CMIP: variants seen among roughly 807,000 people sequenced by gnomAD.
CMIP encodes c-Maf inducing protein.
Under a neutral mutation model 97.3 loss-of-function variants are expected in CMIP, and 13 were observed. That is an observed-to-expected ratio of 0.13 (90% CI 0.09 to 0.21). The LOEUF is 0.21. Ranked by LOEUF, CMIP falls within the 10% of genes least tolerant of loss-of-function variation. The pLI is 1.00. For missense variants in CMIP, 847 were observed against 1,024.9 expected (o/e 0.83, Z 2.37); for synonymous variants, 538 against 436.3 (o/e 1.23, Z -2.91).
At chr16:81,460,843 A>G (rs1351928102) in intron 1 of CMIP, among the ~76,000 whole-genome samples, 1 of 152,192 alleles carries the variant, frequency 6.6e-6, no homozygotes, top group Admixed American at 6.5e-5. Flanking sequence ...GGTGGTGATG[A>G]TGACGGTGAT....
At chr16:81,654,627 C>T (rs2151010727) in intron 4 of CMIP, among the ~76,000 whole-genome samples, 1 of 152,338 alleles carries the variant, frequency 6.6e-6, no homozygotes, top group South Asian at 2.1e-4. Flanking sequence ...CATGCATGCT[C>T]TGCAGTGGTC....
chr16:81,531,636 G>A (rs28495808), intron 1 of CMIP, among the ~76,000 whole-genome samples: 44,196 of 152,096 alleles, frequency 0.29, 6,595 homozygotes, highest in East Asian at 0.44. Flanking sequence ...CACCTCGAGG[G>A]GCAAGCCTGG....
At chr16:81,510,393 C>G (rs761231235) in intron 1 of CMIP, among the ~76,000 whole-genome samples, 2 of 152,292 alleles carry the variant, frequency 1.3e-5, no homozygotes, top group East Asian at 1.9e-4. Context: ...GTTATTACCA[C>G]CTAACATTAT....
At chr16:81,553,734 C>G (rs554482252) in intron 1 of CMIP, among the ~76,000 whole-genome samples, 26 of 152,258 alleles carry the variant, frequency 1.7e-4, no homozygotes, top group Non-Finnish European at 3.4e-4. Flanking sequence ...GCCCTCGCCC[C>G]TTGCCAAAAG....
At chr16:81,595,374 T>G (rs2091537835) in intron 1 of CMIP, among the ~76,000 whole-genome samples, 2 of 151,926 alleles carry the variant, frequency 1.3e-5, no homozygotes, top group Non-Finnish European at 2.9e-5. Flanking sequence ...TGTAATACTT[T>G]CTTTCCTTCT....
chr16:81,516,283 C>T (rs796511693), intron 1 of CMIP, among the ~76,000 whole-genome samples: 6 of 152,160 alleles, frequency 3.9e-5, no homozygotes, highest in South Asian at 4.1e-4. Flanking sequence ...TTGATTCCTC[C>T]GGGGATTTTC....
At chr16:81,583,355 G>A (rs572195200) in intron 1 of CMIP, among the ~76,000 whole-genome samples, 1 of 152,370 alleles carries the variant, frequency 6.6e-6, no homozygotes, top group Admixed American at 6.5e-5. Flanking sequence ...TGGTAGAAAA[G>A]GAGGCTCTGT....
At chr16:81,683,756 CTT>C (rs71272426) in intron 10 of CMIP, among the ~76,000 whole-genome samples, 16 of 81,600 alleles carry the variant, frequency 2.0e-4, no homozygotes, top group East Asian at 1.0e-3. Context: ...TTTTCTTTTT[CTT>C]TTTTTTTTTT....
chr16:81,460,477 C>T (rs2150737569), intron 1 of CMIP, among the ~76,000 whole-genome samples: 1 of 152,246 alleles, frequency 6.6e-6, no homozygotes. Context: ...CCTGGTTTGC[C>T]CAGGACTGTC....
intron 1 of CMIP, among the ~76,000 whole-genome samples, chr16:81,522,704 T>C (rs927096085): frequency 1.3e-5 from 2 of 152,162 alleles, no homozygotes; most frequent in African/African-American, 4.8e-5. Context: ...CCGCCCCGAC[T>C]AGAGCATTGT....
intron 1 of CMIP, among the ~76,000 whole-genome samples, chr16:81,472,059 A>T (rs573083631): frequency 6.6e-6 from 1 of 152,164 alleles, no homozygotes; most frequent in East Asian, 1.9e-4. Context: ...TATGCACTCA[A>T]TGTATATGCC....
At chr16:81,572,171 T>G (rs2091103872) in intron 1 of CMIP, among the ~76,000 whole-genome samples, 1 of 152,270 alleles carries the variant, frequency 6.6e-6, no homozygotes, top group Non-Finnish European at 1.5e-5. Context: ...GCTCCGCGTC[T>G]GAAGCAGCCA....
intron 13 of CMIP, chr16:81,696,092 G>T (rs1336915973): frequency 2.0e-5 from 4 of 203,428 alleles, no homozygotes; most frequent in Non-Finnish European, 4.1e-5. Context: ...AGAGGGCAGA[G>T]AGCACGGGAG....
intron 1 of CMIP, among the ~76,000 whole-genome samples, chr16:81,504,854 A>G (rs1361166522): frequency 6.6e-6 from 1 of 152,180 alleles, no homozygotes; most frequent in African/African-American, 2.4e-5. Context: ...TGACATTCCA[A>G]TGAAATTTTC....
intron 1 of CMIP, among the ~76,000 whole-genome samples, chr16:81,493,462 C>G (rs918153680): frequency 6.6e-6 from 1 of 152,136 alleles, no homozygotes; most frequent in Non-Finnish European, 1.5e-5. Context: ...AAACGAAGTA[C>G]GAAATATAAA....
chr16:81,566,460 T>A (rs1165992436), intron 1 of CMIP, among the ~76,000 whole-genome samples: 2 of 152,068 alleles, frequency 1.3e-5, no homozygotes, highest in Non-Finnish European at 2.9e-5. Flanking sequence ...GGTGAGGAGG[T>A]CATGGAGCTG....
At chr16:81,499,937 G>A (rs769644133) in intron 1 of CMIP, among the ~76,000 whole-genome samples, 14 of 152,206 alleles carry the variant, frequency 9.2e-5, no homozygotes, top group Non-Finnish European at 1.6e-4. Flanking sequence ...CTTCCGGGGC[G>A]CCCCACGCAC....
intron 1 of CMIP, among the ~76,000 whole-genome samples, chr16:81,451,229 G>A (rs1227075303): frequency 6.6e-6 from 1 of 152,146 alleles, no homozygotes; most frequent in Non-Finnish European, 1.5e-5. Context: ...CCCCCATACT[G>A]TTCTCTTGGT....
chr16:81,636,607 G>T (rs954508129), intron 3 of CMIP, among the ~76,000 whole-genome samples: 1 of 149,574 alleles, frequency 6.7e-6, no homozygotes, highest in African/African-American at 2.5e-5. Flanking sequence ...AAAAAGTATG[G>T]CATTCTGACT....
Sources: gnomAD v4.1 joint callset for allele counts (sites outside exome capture counted in the v4.1 genomes callset) on GRCh38, gnomAD v4.1.1 for gene constraint, MANE v1.5 for transcripts, NCBI Gene and HGNC (gene_info 2026-07-23, HGNC 2026-07-21) for gene names.